Variants in PHKA1 observed in about 807,000 individuals in gnomAD.
PHKA1 encodes the protein phosphorylase b kinase regulatory subunit alpha, skeletal muscle isoform.
Under a neutral mutation model 110.2 loss-of-function variants are expected in PHKA1, and 60 were observed. The observed-to-expected ratio is 0.54, with a 90% CI of 0.44 to 0.68. The LOEUF is 0.68. PHKA1 is among the 30% of genes least tolerant of loss of function. The pLI is 0.00. For synonymous variants in PHKA1, 316 were observed against 333.6 expected, an observed-to-expected ratio of 0.95 and a Z score of 0.58; for missense variants, 801 against 942.5, an observed-to-expected ratio of 0.85 and a Z score of 1.97.
chrX:72,646,681 G>C (rs2053363848), intron 13 of PHKA1, among the ~76,000 whole-genome samples: 1 of 111,759 alleles, frequency 8.9e-6, no homozygotes, highest in Admixed American at 9.5e-5. Flanking sequence ...GATCTAAAGG[G>C]TCTTGTAAGT....
intron 13 of PHKA1, among the ~76,000 whole-genome samples, chrX:72,645,518 TCC>T (rs2053350140): frequency 9.0e-6 from 1 of 111,586 alleles, no homozygotes; most frequent in South Asian, 3.8e-4. Context: ...GATCACAGAG[TCC>T]CCTGGACATA....
At chrX:72,630,303 G>A (rs2053147654) in intron 16 of PHKA1, among the ~76,000 whole-genome samples, 1 of 109,861 alleles carries the variant, frequency 9.1e-6, no homozygotes, top group Non-Finnish European at 1.9e-5. Context: ...GGGGGAGAGA[G>A]AGAGAGAGAG....
At chrX:72,622,097 T>C (rs782151627) in intron 18 of PHKA1, 4 of 746,488 alleles carry the variant, frequency 5.4e-6, no homozygotes, top group Non-Finnish European at 6.3e-6. Flanking sequence ...TAACAGTAAA[T>C]AGCCTTGTAT....
chrX:72,682,326 CGGGA>C (rs1193218206), intron 5 of PHKA1, among the ~76,000 whole-genome samples: 1 of 101,045 alleles, frequency 9.9e-6, no homozygotes. Flanking sequence ...CCGCCCCGTC[CGGGA>C]GGGAGGTGGG....
At chrX:72,685,259 G>GT (rs1387312664) in intron 4 of PHKA1, among the ~76,000 whole-genome samples, 2 of 111,092 alleles carry the variant, frequency 1.8e-5, no homozygotes, top group Non-Finnish European at 3.8e-5. Flanking sequence ...TCATTAGGAG[G>GT]TAAGATGCTA....
intron 3 of PHKA1, among the ~76,000 whole-genome samples, chrX:72,700,100 G>C (rs930502328): frequency 8.9e-6 from 1 of 111,821 alleles, no homozygotes; most frequent in Non-Finnish European, 1.9e-5. Context: ...TATAATCAAG[G>C]TTAAACTTTA....
rs138313451 is a variant in PHKA1 at position 72,618,278 on chromosome X, C to G, written c.2369+432G>C. On this transcript the variant is annotated intron_variant, in intron 21 of 31. Transcript: ENST00000373542. ...TCAATTTGGACATATTGAGTTTGTA[C>G]TAATACAAAGTACCTAGCAGGATGC... Among the ~76,000 whole-genome samples the G allele has an allele frequency of 3.5e-3, 395 of 111,672 alleles. 3 individuals carry two copies. Among genetic ancestry groups the G allele is most frequent in the African/African-American group, 0.012 (368 of 30,725 alleles).
At chrX:72,677,734 T>G (rs782165460) in intron 5 of PHKA1, among the ~76,000 whole-genome samples, 1 of 111,985 alleles carries the variant, frequency 8.9e-6, no homozygotes, top group Admixed American at 9.5e-5. Flanking sequence ...GGTTGGCTCC[T>G]GTGACCTTTT....
At chrX:72,623,088 T>C (rs782735020) in intron 18 of PHKA1, 21 bp downstream of exon 18, 1 of 1,210,764 alleles carries the variant, frequency 8.3e-7, no homozygotes, top group East Asian at 3.0e-5. Flanking sequence ...GCCAGGCCAG[T>C]GCTTTATGAA....
rs34698877 is a variant in PHKA1, at chrX:72,581,555, G to C, written c.3499-380C>G. On this transcript the variant is annotated intron_variant, in intron 31 of 31. Coordinates refer to ENST00000373542, the MANE Select transcript of PHKA1 (RefSeq NM_002637.4). Reference sequence around the variant, plus strand: ...ACTCCTTCTAGTACTACTAATTTCAGCTTGTATTCTTTTATCCTGCATTTG... The same window carrying C: ...ACTCCTTCTAGTACTACTAATTTCACCTTGTATTCTTTTATCCTGCATTTG... Among the ~76,000 whole-genome samples, 573 of 111,463 alleles carry C rather than the reference G, an allele frequency of 5.1e-3. 3 individuals are homozygous for C. The highest frequency in any genetic ancestry group is 8.4e-3 in the Non-Finnish European group (444 of 53,101).
At chrX:72,628,064 C>T (rs1170086769) in intron 16 of PHKA1, among the ~76,000 whole-genome samples, 1 of 110,122 alleles carries the variant, frequency 9.1e-6, no homozygotes, top group Non-Finnish European at 1.9e-5. Context: ...CTCCTGATTT[C>T]GTGATCCACC....
At chrX:72,617,617 C>A (rs936012131) in intron 21 of PHKA1, among the ~76,000 whole-genome samples, 1 of 111,225 alleles carries the variant, frequency 9.0e-6, no homozygotes, top group Admixed American at 9.5e-5. Flanking sequence ...AAGTAGGAAA[C>A]CCTAGAAGAA....
At chrX:72,658,487 C>A (rs1444911150) in intron 8 of PHKA1, among the ~76,000 whole-genome samples, 3 of 107,485 alleles carry the variant, frequency 2.8e-5, no homozygotes, top group East Asian at 2.9e-4. Flanking sequence ...AACTTTGGTA[C>A]GATACTATTA....
intron 18 of PHKA1, chrX:72,622,144 T>G (rs1162328582): frequency 1.3e-6 from 1 of 751,980 alleles, no homozygotes; most frequent in African/African-American, 2.3e-5. Context: ...TCAACTGTTT[T>G]AGATCTTACA....
intron 21 of PHKA1, among the ~76,000 whole-genome samples, chrX:72,612,965 C>T (rs2052834673): frequency 9.0e-6 from 1 of 110,649 alleles, no homozygotes; most frequent in African/African-American, 3.3e-5. Context: ...GTGGGTGTAC[C>T]AGCTGTAGGT....
intron 28 of PHKA1, among the ~76,000 whole-genome samples, chrX:72,598,341 A>G (rs1199899397): frequency 9.0e-6 from 1 of 111,395 alleles, no homozygotes; most frequent in South Asian, 3.8e-4. Context: ...TGGCTATAAT[A>G]AAAAAGACAA....
intron 21 of PHKA1, among the ~76,000 whole-genome samples, chrX:72,617,530 AAAG>A (rs2052915750): frequency 9.0e-6 from 1 of 111,369 alleles, no homozygotes; most frequent in Non-Finnish European, 1.9e-5. Context: ...AAAATCAAAA[AAAG>A]AAGATGAGAT....
intron 17 of PHKA1, among the ~76,000 whole-genome samples, chrX:72,626,606 G>A (rs1190109646): frequency 1.8e-5 from 2 of 111,351 alleles, no homozygotes; most frequent in Admixed American, 1.9e-4. Context: ...TCCTGAAACT[G>A]CAGATAGTAC....
intron 18 of PHKA1, among the ~76,000 whole-genome samples, chrX:72,621,118 T>C (rs1238558101): frequency 9.0e-6 from 1 of 111,419 alleles, no homozygotes; most frequent in Non-Finnish European, 1.9e-5. Context: ...ATCCACCTCC[T>C]CTTCAACTTG....
Sources: allele counts gnomAD v4.1 joint callset (sites outside exome capture counted in the v4.1 genomes callset), GRCh38; gene constraint gnomAD v4.1.1; transcripts MANE v1.5; gene names NCBI Gene and HGNC (gene_info 2026-07-23, HGNC 2026-07-21).